The following RAB5A variants were observed in gnomAD, a reference collection of about 807,000 sequenced individuals.
RAB5A encodes ras-related protein Rab-5A.
RAB5A carries 8 observed loss-of-function variants against 25.7 expected under a neutral mutation model. The ratio of observed to expected loss-of-function variants is 0.31; its 90% confidence interval spans 0.18 to 0.56. The LOEUF (loss-of-function observed/expected upper bound fraction) is 0.56. Among genes scored for constraint, RAB5A ranks in the 20% least tolerant of loss-of-function variants. RAB5A has a pLI of 0.91. For synonymous variants in RAB5A, 98 were observed against 89.8 expected (o/e 1.09, Z -0.52); for missense variants, 192 against 259.7 (o/e 0.74, Z 1.79).
intron 5 of RAB5A, among the ~76,000 whole-genome samples, chr3:19,980,525 ACT>A (rs1696905273): frequency 6.6e-6 from 1 of 151,104 alleles, no homozygotes; most frequent in African/African-American, 2.4e-5. Context: ...ACTCATAACA[ACT>A]CTAATCAATG....
chr3:19,953,525 A>G (rs760944662), intron 2 of RAB5A, among the ~76,000 whole-genome samples: 1 of 150,672 alleles, frequency 6.6e-6, no homozygotes, highest in Non-Finnish European at 1.5e-5. Context: ...CTCATGCCTC[A>G]GCCCCCCAAG....
intron 5 of RAB5A, chr3:19,980,176 T>G (rs1399976885): frequency 6.6e-6 from 1 of 152,198 alleles, no homozygotes; most frequent in African/African-American, 2.4e-5. Flanking sequence ...GAATCACATC[T>G]GAAAAGTTAG....
At chr3:19,965,735 C>G (rs902607155) in intron 2 of RAB5A, among the ~76,000 whole-genome samples, 1 of 151,022 alleles carries the variant, frequency 6.6e-6, no homozygotes, top group Non-Finnish European at 1.5e-5. Flanking sequence ...TATTTGTTTC[C>G]TTCCTTCCTT....
chr3:19,973,836 G>A (rs956615359), intron 2 of RAB5A, among the ~76,000 whole-genome samples: 2 of 152,200 alleles, frequency 1.3e-5, no homozygotes, highest in East Asian at 1.9e-4. Flanking sequence ...TGTGTCTAAC[G>A]TAAAAGAGAT....
At chr3:19,957,820 T>C (rs1696526622) in intron 2 of RAB5A, among the ~76,000 whole-genome samples, 2 of 152,112 alleles carry the variant, frequency 1.3e-5, no homozygotes, top group Non-Finnish European at 2.9e-5. Flanking sequence ...TATCAAAACA[T>C]CATGTTAATA....
At chr3:19,961,056 T>C (rs930015898) in intron 2 of RAB5A, among the ~76,000 whole-genome samples, 13 of 152,232 alleles carry the variant, frequency 8.5e-5, no homozygotes, top group Non-Finnish European at 1.9e-4. Context: ...GAATAGAATT[T>C]TCTCCTCTAT....
chr3:19,983,905 G>C lies in RAB5A; in HGVS notation c.*82G>C, dbSNP rs1193214157. The C allele has an allele frequency of 1.0e-5, 9 of 899,244 alleles. No individual in the cohort carries two copies. The highest frequency in any genetic ancestry group is 1.6e-5 in the Non-Finnish European group (9 of 578,292). The allele number at this position is 899,244 out of a possible 1,614,324, so 55.7% of individuals were successfully genotyped here. A position where few individuals can be genotyped will look rare whatever the true frequency, so the allele number is the denominator to read the frequency against. ...GGAATTGGAGCATTTAACCAGCCCA[G>C]TATGACTTCCAAAAGAAGAGACTTA... On this transcript the variant is annotated 3_prime_UTR_variant, in exon 6 of 6. Coordinates refer to ENST00000273047, the MANE Select transcript of RAB5A (RefSeq NM_004162.5).
intron 3 of RAB5A, 134 bp from the exon 4 acceptor site, chr3:19,975,913 G>C: frequency 1.5e-6 from 2 of 1,350,432 alleles, no homozygotes; most frequent in South Asian, 1.5e-5. Context: ...AAACGAAAAT[G>C]TCTCATAATA....
chr3:19,956,236 C>T (rs572451573), intron 2 of RAB5A, among the ~76,000 whole-genome samples: 1 of 152,106 alleles, frequency 6.6e-6, no homozygotes, highest in Admixed American at 6.5e-5. Flanking sequence ...GGGAGGGTGC[C>T]AGCACACTGG....
chr3:19,965,902 T>C (rs1373826342), intron 2 of RAB5A, among the ~76,000 whole-genome samples: 1 of 151,956 alleles, frequency 6.6e-6, no homozygotes, highest in Non-Finnish European at 1.5e-5. Flanking sequence ...CTGTTTTGTA[T>C]TTTTGTTAGT....
intron 5 of RAB5A, among the ~76,000 whole-genome samples, chr3:19,979,360 T>C (rs1696879074): frequency 6.6e-6 from 1 of 150,978 alleles, no homozygotes; most frequent in Admixed American, 6.6e-5. Context: ...CTCGGCTCAC[T>C]GCAAGCTCCG....
At position 19,974,582 on chromosome 3, in the gene RAB5A, A is replaced by G. The variant is rs549221565; in HGVS notation, c.164-1019A>G. 3.9e-5 allele frequency among the ~76,000 whole-genome samples: 6 copies of G among 152,292 alleles called. No individual in the cohort carries two copies. In the South Asian group the frequency reaches 1.2e-3, roughly 32 times the overall value. On this transcript the variant is annotated intron_variant, in intron 2 of 5. Coordinates refer to ENST00000273047, the MANE Select transcript of RAB5A (RefSeq NM_004162.5). The stretch of plus-strand genomic sequence containing the variant: ...GAACAAATTAAATCTAGGTTAAGGT[A>G]ATAATGACTACCACAATTAAAGTGT...
intron 2 of RAB5A, among the ~76,000 whole-genome samples, chr3:19,953,257 C>G (rs1173135789): frequency 6.6e-6 from 1 of 151,990 alleles, no homozygotes; most frequent in South Asian, 2.1e-4. Context: ...ATAAATATAT[C>G]TCTGATATGT....
intron 2 of RAB5A, among the ~76,000 whole-genome samples, chr3:19,953,553 G>A (rs552391430): frequency 1.3e-5 from 2 of 151,930 alleles, no homozygotes; most frequent in African/African-American, 4.8e-5. Context: ...GACTACAGGC[G>A]CAAGCCACCA....
At chr3:19,978,493 T>A in intron 5 of RAB5A, 90 bp downstream of exon 5, 1 of 913,004 alleles carries the variant, frequency 1.1e-6, no homozygotes, top group Non-Finnish European at 1.7e-6. Context: ...TAAAAAATTT[T>A]TGGGGGTGGG....
At chr3:19,958,162 A>G (rs1471464008) in intron 2 of RAB5A, among the ~76,000 whole-genome samples, 7 of 152,206 alleles carry the variant, frequency 4.6e-5, no homozygotes, top group Admixed American at 4.6e-4. Context: ...CGTGAGAAAA[A>G]TTGTGTGTTT....
At chr3:19,974,471 G>C (rs1281966473) in intron 2 of RAB5A, among the ~76,000 whole-genome samples, 2 of 151,982 alleles carry the variant, frequency 1.3e-5, no homozygotes, top group Non-Finnish European at 2.9e-5. Flanking sequence ...TACTTTCCTA[G>C]TGTTAAAATT....
intron 2 of RAB5A, among the ~76,000 whole-genome samples, chr3:19,965,141 C>T (rs75843892): frequency 7.2e-5 from 11 of 152,098 alleles, no homozygotes; most frequent in African/African-American, 2.4e-4. Flanking sequence ...AGGCTGGTCT[C>T]GCACTCCTGA....
chr3:19,984,337 C>A lies in RAB5A; in HGVS notation c.*514C>A. On this transcript the variant is annotated 3_prime_UTR_variant, in exon 6 of 6. Coordinates refer to ENST00000273047, the MANE Select transcript of RAB5A (RefSeq NM_004162.5). Reference sequence around the variant, plus strand: ...ACATTCCACATTTTAATAAATTAACCACAAGAAAATAATCCCACATATACA... The same window carrying A: ...ACATTCCACATTTTAATAAATTAACAACAAGAAAATAATCCCACATATACA... 1 of 399,946 alleles carries A rather than the reference C, an allele frequency of 2.5e-6. No individual in the cohort carries two copies. Among genetic ancestry groups the A allele is most frequent in the Non-Finnish European group, 4.9e-6 (1 of 205,144 alleles). The allele number at this position is 399,946 out of a possible 1,614,324, so 24.8% of individuals were successfully genotyped here.
Sources: gnomAD v4.1 joint callset for allele counts (sites outside exome capture counted in the v4.1 genomes callset) on GRCh38, gnomAD v4.1.1 for gene constraint, MANE v1.5 for transcripts, NCBI Gene and HGNC (gene_info 2026-07-23, HGNC 2026-07-21) for gene names.